The following PPP2R5E variants were observed in gnomAD, a reference collection of about 807,000 sequenced individuals.
The protein encoded by PPP2R5E is serine/threonine-protein phosphatase 2A 56 kDa regulatory subunit epsilon isoform.
In PPP2R5E, 4 loss-of-function variants were observed where a neutral mutation model predicts 65.3. That is an observed-to-expected ratio of 0.06 (90% CI 0.03 to 0.14). The LOEUF (loss-of-function observed/expected upper bound fraction) is 0.14, where lower values mean the gene tolerates loss of function less well. Ranked by LOEUF, PPP2R5E falls within the 10% of genes least tolerant of loss-of-function variation. The pLI, the probability that PPP2R5E is intolerant of heterozygous loss-of-function variation, is 1.00. For synonymous variants in PPP2R5E, 183 were observed against 187.4 expected, an observed-to-expected ratio of 0.98 and a Z score of 0.19; for missense variants, 274 against 556.1, an observed-to-expected ratio of 0.49 and a Z score of 5.10.
At chr14:63,378,903 C>G (rs1453447570) in intron 13 of PPP2R5E, among the ~76,000 whole-genome samples, 1 of 152,140 alleles carries the variant, frequency 6.6e-6, no homozygotes, top group Non-Finnish European at 1.5e-5. Context: ...TCTGACAGTA[C>G]CAACTAAATT....
At chr14:63,416,693 C>A in intron 4 of PPP2R5E, among the ~76,000 whole-genome samples, 1 of 148,308 alleles carries the variant, frequency 6.7e-6, no homozygotes. Context: ...TATATGTTAA[C>A]ATAATTATGT....
intron 2 of PPP2R5E, among the ~76,000 whole-genome samples, chr14:63,499,245 T>C (rs1194990747): frequency 6.6e-6 from 1 of 151,992 alleles, no homozygotes; most frequent in Non-Finnish European, 1.5e-5. Context: ...ATATCACAGG[T>C]CAGAGCTGCC....
At chr14:63,453,666 C>A (rs759289225) in intron 3 of PPP2R5E, 23 bp downstream of exon 3, 12 of 1,606,128 alleles carry the variant, frequency 7.5e-6, no homozygotes, top group Non-Finnish European at 4.3e-6. Flanking sequence ...TAAAAGTGTC[C>A]GCGGAGAAAA....
At chr14:63,405,217 T>G (rs529849717) in intron 5 of PPP2R5E, among the ~76,000 whole-genome samples, 128 of 152,350 alleles carry the variant, frequency 8.4e-4, no homozygotes, top group African/African-American at 3.0e-3. Flanking sequence ...TAGAAATAAA[T>G]GCTCCCAACA....
chr14:63,399,371 T>TTTC (rs1214743862), intron 5 of PPP2R5E, among the ~76,000 whole-genome samples: 1 of 88,422 alleles, frequency 1.1e-5, no homozygotes, highest in Non-Finnish European at 2.1e-5. Context: ...TCTTTCTTTT[T>TTTC]TTTTTTTTTT....
chr14:63,421,939 T>A (rs1368075517), intron 4 of PPP2R5E, 54 bp downstream of exon 4: 2 of 1,362,602 alleles, frequency 1.5e-6, no homozygotes, highest in African/African-American at 2.9e-5. Context: ...CCCATGCTAA[T>A]CAGCTAATGA....
chr14:63,381,260 A>G (rs1158883209), intron 13 of PPP2R5E, among the ~76,000 whole-genome samples: 1 of 152,230 alleles, frequency 6.6e-6, no homozygotes, highest in Non-Finnish European at 1.5e-5. Context: ...ATTAACCTTC[A>G]TGTTCTTTTC....
intron 3 of PPP2R5E, among the ~76,000 whole-genome samples, chr14:63,428,762 T>G (rs1361625397): frequency 6.6e-6 from 1 of 152,188 alleles, no homozygotes; most frequent in Non-Finnish European, 1.5e-5. Context: ...TTTTTATCAG[T>G]TTTTTATTAA....
At chr14:63,386,916 T>G (rs1416924326) in intron 11 of PPP2R5E, among the ~76,000 whole-genome samples, 4 of 130,892 alleles carry the variant, frequency 3.1e-5, no homozygotes, top group African/African-American at 1.3e-4. Context: ...ACAGCAAGAC[T>G]CCATCTCAAA....
rs397814218 is a variant in PPP2R5E, at chr14:63,399,366, C to CTTTTTTTTT, written c.550-2659_550-2651dup. Among the ~76,000 whole-genome samples the CTTTTTTTTT allele has an allele frequency of 3.9e-3, 189 of 48,534 alleles. 28 individuals are homozygous for CTTTTTTTTT. Among genetic ancestry groups the CTTTTTTTTT allele is most frequent in the Middle Eastern group, 0.031 (1 of 32 alleles). The allele number at this position is 48,534 out of a possible 152,430, so 31.8% of individuals were successfully genotyped here. A position where few individuals can be genotyped will look rare whatever the true frequency, so the allele number is the denominator to read the frequency against. On this transcript the variant is annotated intron_variant, in intron 5 of 13. Coordinates refer to ENST00000337537, the MANE Select transcript of PPP2R5E (RefSeq NM_006246.5). ...GCTACTAATAGGTCTGGATTTCTTT[C>CTTTTTTTTT]TTTTTTTTTTTTTTTTTTTTTTTTT...
intron 2 of PPP2R5E, among the ~76,000 whole-genome samples, chr14:63,504,005 C>G (rs1294574108): frequency 6.6e-6 from 1 of 152,144 alleles, no homozygotes; most frequent in Non-Finnish European, 1.5e-5. Flanking sequence ...TTGAATACAT[C>G]ACTTCATTAT....
intron 2 of PPP2R5E, among the ~76,000 whole-genome samples, chr14:63,489,751 G>A (rs1891194601): frequency 1.3e-5 from 2 of 151,952 alleles, no homozygotes; most frequent in African/African-American, 4.8e-5. Flanking sequence ...GCTTCCTGAT[G>A]ACACCAAGAT....
chr14:63,408,012 T>C (rs1886185953), intron 5 of PPP2R5E, among the ~76,000 whole-genome samples: 1 of 152,194 alleles, frequency 6.6e-6, no homozygotes, highest in African/African-American at 2.4e-5. Context: ...ACAAAAGAAC[T>C]AAGACAAAAA....
intron 3 of PPP2R5E, among the ~76,000 whole-genome samples, chr14:63,444,348 C>T (rs1888376351): frequency 6.6e-6 from 1 of 152,226 alleles, no homozygotes; most frequent in African/African-American, 2.4e-5. Flanking sequence ...TATCTACCTT[C>T]ACGTCCCTTT....
At chr14:63,451,862 G>A (rs1295942280) in intron 3 of PPP2R5E, 2 of 152,104 alleles carry the variant, frequency 1.3e-5, no homozygotes, top group Non-Finnish European at 2.9e-5. Flanking sequence ...CCTCTCAATT[G>A]TGCTGTGAAC....
At position 63,460,884 on chromosome 14, in the gene PPP2R5E, G is replaced by A. The variant is rs550003717; in HGVS notation, c.158-6999C>T. 3.8e-3 allele frequency among the ~76,000 whole-genome samples: 576 copies of A among 152,150 alleles called. 3 individuals are homozygous for A. The highest frequency in any genetic ancestry group is 6.0e-3 in the Non-Finnish European group (410 of 68,002). On this transcript the variant is annotated intron_variant, in intron 2 of 13. Transcript: ENST00000337537. ...GAAGAAATAGAAAATATACTCACAC[G>A]CACACATACACACATGCACACTGAT...
intron 2 of PPP2R5E, among the ~76,000 whole-genome samples, chr14:63,525,111 C>T (rs1050254768): frequency 2.0e-5 from 3 of 152,192 alleles, no homozygotes; most frequent in African/African-American, 4.8e-5. Flanking sequence ...TGGTATTGGG[C>T]GTGCAGCTTA....
intron 3 of PPP2R5E, among the ~76,000 whole-genome samples, chr14:63,445,013 G>A (rs1888405844): frequency 6.6e-6 from 1 of 152,158 alleles, no homozygotes; most frequent in South Asian, 2.1e-4. Flanking sequence ...ATCAAAAGAG[G>A]TGTTAGTTTT....
chr14:63,487,616 A>G (rs1225062706), intron 2 of PPP2R5E, among the ~76,000 whole-genome samples: 1 of 152,184 alleles, frequency 6.6e-6, no homozygotes, highest in Admixed American at 6.5e-5. Flanking sequence ...CTATGTTTTG[A>G]GGGTCTTAAC....
Sources: gnomAD v4.1 joint callset for allele counts (sites outside exome capture counted in the v4.1 genomes callset) on GRCh38, gnomAD v4.1.1 for gene constraint, MANE v1.5 for transcripts, NCBI Gene and HGNC (gene_info 2026-07-23, HGNC 2026-07-21) for gene names.